ACTR3C: variants seen among roughly 807,000 people sequenced by gnomAD.
ACTR3C encodes the protein actin related protein 3C.
ACTR3C carries 18 observed loss-of-function variants against 26.3 expected under a neutral mutation model. That is an observed-to-expected ratio of 0.68 (90% confidence interval 0.47 to 1.01). The LOEUF is 1.01. Ranked by LOEUF, ACTR3C falls within the 50% of genes least tolerant of loss-of-function variation. The pLI is 0.00. For synonymous variants in ACTR3C, 55 were observed against 94.5 expected (o/e 0.58, Z 2.42); for missense variants, 184 against 250.7 (o/e 0.73, Z 1.80).
chr7:150,117,774 G>A, the ACTR3C span, among the ~76,000 whole-genome samples: 11 of 152,180 alleles, frequency 7.2e-5, no homozygotes, highest in East Asian at 7.7e-4. Flanking sequence ...CCTCACCTCC[G>A]TACCTCCTGA....
the ACTR3C span, among the ~76,000 whole-genome samples, chr7:149,883,993 AG>A: frequency 3.6e-4 from 7 of 19,302 alleles, no homozygotes; most frequent in Non-Finnish European, 8.1e-4. Context: ...TTTTTAGTGG[AG>A]GGAGGGAGGG....
At chr7:150,294,769 G>A (rs1204721589) in intron 2 of ACTR3C, among the ~76,000 whole-genome samples, 1 of 151,694 alleles carries the variant, frequency 6.6e-6, no homozygotes, top group South Asian at 2.1e-4. Context: ...TAAGGTGGCA[G>A]GCAAATAATG....
chr7:150,204,107 C>T, the ACTR3C span, among the ~76,000 whole-genome samples: 2 of 149,652 alleles, frequency 1.3e-5, no homozygotes, highest in African/African-American at 2.5e-5. Context: ...AAGGAAAGTA[C>T]AGGTTTCCTC....
chr7:150,021,301 A>G, the ACTR3C span, among the ~76,000 whole-genome samples: 1 of 151,878 alleles, frequency 6.6e-6, no homozygotes, highest in African/African-American at 2.4e-5. Context: ...TTTAGCCTAT[A>G]TATTGAAACT....
the ACTR3C span, among the ~76,000 whole-genome samples, chr7:150,039,006 C>CGG: frequency 8.0e-5 from 2 of 24,944 alleles, 1 homozygote; most frequent in African/African-American, 1.6e-4. Context: ...AGCCGGGGGG[C>CGG]GGGGAAGAGG....
chr7:150,149,180 T>C, the ACTR3C span, among the ~76,000 whole-genome samples: 1 of 149,578 alleles, frequency 6.7e-6, no homozygotes, highest in Non-Finnish European at 1.5e-5. Flanking sequence ...ATCATTTGTC[T>C]ATTTTTCTAC....
chr7:150,067,590 A>C, the ACTR3C span, among the ~76,000 whole-genome samples: 1 of 152,098 alleles, frequency 6.6e-6, no homozygotes, highest in Non-Finnish European at 1.5e-5. Context: ...TTTGTGAAAT[A>C]ATACAGGGAA....
the ACTR3C span, among the ~76,000 whole-genome samples, chr7:150,182,207 A>C: frequency 2.0e-5 from 3 of 150,596 alleles, no homozygotes; most frequent in African/African-American, 7.5e-5. Context: ...GGATGACAAG[A>C]AAACACTATA....
At chr7:150,048,521 G>A in the ACTR3C span, among the ~76,000 whole-genome samples, 1 of 152,270 alleles carries the variant, frequency 6.6e-6, no homozygotes, top group East Asian at 1.9e-4. Flanking sequence ...AGGGTTCTGC[G>A]GCCCCGCCGA....
chr7:150,109,713 T>A, the ACTR3C span, among the ~76,000 whole-genome samples: 9 of 150,476 alleles, frequency 6.0e-5, no homozygotes, highest in African/African-American at 2.2e-4. Flanking sequence ...GGACTTTGTA[T>A]CCTCACATTT....
At chr7:149,945,064 T>C in the ACTR3C span, among the ~76,000 whole-genome samples, 30,620 of 151,268 alleles carry the variant, frequency 0.2, 4,491 homozygotes, top group African/African-American at 0.42. Flanking sequence ...GGAAATGTTG[T>C]TGTTGCCTTA....
At chr7:149,890,191 GA>G in the ACTR3C span, among the ~76,000 whole-genome samples, 1 of 151,818 alleles carries the variant, frequency 6.6e-6, no homozygotes, top group Non-Finnish European at 1.5e-5. Context: ...GTACTTGCAT[GA>G]AAAAAAATCC....
the ACTR3C span, among the ~76,000 whole-genome samples, chr7:149,924,551 T>C: frequency 6.6e-6 from 1 of 152,208 alleles, no homozygotes; most frequent in Non-Finnish European, 1.5e-5. Flanking sequence ...CTCTGCACTG[T>C]GTCAATAAAA....
At chr7:150,242,233 A>G (rs189911542), downstream of ACTR3C, among the ~76,000 whole-genome samples, 7,487 of 146,678 alleles carry the variant, frequency 0.051, 735 homozygotes, top group African/African-American at 0.19. Context: ...AAAAAATGTG[A>G]GGGTGGGGGA....
At chr7:149,912,711 C>T in the ACTR3C span, among the ~76,000 whole-genome samples, 1 of 152,140 alleles carries the variant, frequency 6.6e-6, no homozygotes. Context: ...CCATGTTGGC[C>T]AGGCTGGTCT....
At chr7:150,084,255 C>A in the ACTR3C span, among the ~76,000 whole-genome samples, 273 of 151,996 alleles carry the variant, frequency 1.8e-3, 2 homozygotes, top group African/African-American at 6.3e-3. Context: ...AAAAAATAAA[C>A]CTACTTTAAA....
chr7:150,236,203 T>C, the ACTR3C span, among the ~76,000 whole-genome samples: 3 of 152,376 alleles, frequency 2.0e-5, no homozygotes, highest in South Asian at 4.1e-4. Context: ...TTGTAGATCA[T>C]TCTTTCTCAT....
chr7:150,036,919 T>A, the ACTR3C span, among the ~76,000 whole-genome samples: 2 of 77,630 alleles, frequency 2.6e-5, no homozygotes, highest in Middle Eastern at 7.0e-3. Flanking sequence ...GCCTCCCCCC[T>A]CTGCGATGGG....
chr7:149,893,158 C>T, the ACTR3C span, among the ~76,000 whole-genome samples: 2,852 of 152,270 alleles, frequency 0.019, 76 homozygotes, highest in African/African-American at 0.065. Context: ...CTCACACTCT[C>T]GAGCTCTCCC....
Sources: gnomAD v4.1 joint callset for allele counts (sites outside exome capture counted in the v4.1 genomes callset) on GRCh38, gnomAD v4.1.1 for gene constraint, MANE v1.5 for transcripts, NCBI Gene and HGNC (gene_info 2026-07-23, HGNC 2026-07-21) for gene names.